The following CFAP221 variants were observed in gnomAD, a reference collection of about 807,000 sequenced individuals.
CFAP221 encodes cilia and flagella associated protein 221.
Under a neutral mutation model 113.1 loss-of-function variants are expected in CFAP221, and 97 were observed. The ratio of observed to expected loss-of-function variants is 0.86; its 90% CI spans 0.73 to 1.02. The LOEUF is 1.02. CFAP221 is among the 50% of genes least tolerant of loss of function. The pLI is 0.00. For missense variants in CFAP221, 1,025 were observed against 1,013.4 expected (o/e 1.01, Z -0.16); for synonymous variants, 331 against 354.4 (o/e 0.93, Z 0.74).
intron 17 of CFAP221, 111 bp downstream of exon 17, chr2:119,630,066 T>C (rs2104761795): frequency 2.3e-6 from 2 of 856,064 alleles, no homozygotes; most frequent in African/African-American, 3.4e-5. Context: ...GATTAGACTG[T>C]GTGGCACACT....
At chr2:119,649,540 A>G (rs1688001378) in intron 22 of CFAP221, among the ~76,000 whole-genome samples, 1 of 152,236 alleles carries the variant, frequency 6.6e-6, no homozygotes, top group Admixed American at 6.5e-5. Flanking sequence ...ACTCATAGAT[A>G]GGCAGCAAGA....
chr2:119,562,171 A>C (rs958720780), intron 6 of CFAP221, 57 bp downstream of exon 6: 2 of 1,232,038 alleles, frequency 1.6e-6, no homozygotes, highest in Non-Finnish European at 2.3e-6. Flanking sequence ...AGAGATACTC[A>C]TACAAAACCT....
intron 6 of CFAP221, chr2:119,580,220 C>T (rs1682751043): frequency 6.6e-6 from 1 of 152,138 alleles, no homozygotes; most frequent in Non-Finnish European, 1.5e-5. Context: ...GACTGCATAC[C>T]TCTAACAGAG....
chr2:119,583,288 G>T (rs916717494), intron 6 of CFAP221, among the ~76,000 whole-genome samples: 2 of 151,472 alleles, frequency 1.3e-5, no homozygotes, highest in African/African-American at 4.9e-5. Context: ...ATAAGAAAAA[G>T]ATGCTCTCTT....
At chr2:119,623,052 C>G (rs537632952) in intron 14 of CFAP221, among the ~76,000 whole-genome samples, 1 of 152,270 alleles carries the variant, frequency 6.6e-6, no homozygotes, top group African/African-American at 2.4e-5. Flanking sequence ...AAAGGGTATT[C>G]AAATAGGAAG....
chr2:119,646,458 C>A (rs1344004452), intron 21 of CFAP221, among the ~76,000 whole-genome samples: 1 of 152,112 alleles, frequency 6.6e-6, no homozygotes, highest in Non-Finnish European at 1.5e-5. Context: ...GGAGGTGCCA[C>A]ACACTTTTAA....
chr2:119,638,534 CA>C (rs1687258930), intron 20 of CFAP221, 117 bp downstream of exon 20: 1 of 1,327,584 alleles, frequency 7.5e-7, no homozygotes, highest in Non-Finnish European at 1.1e-6. Context: ...AGCTGCAGAA[CA>C]AGAATGGTAA....
rs766287259 is a variant in CFAP221, at chr2:119,571,958, CCCCTTACTTT to C, written c.527+9845_527+9854del. On this transcript the variant is annotated intron_variant, in intron 6 of 23. Transcript: ENST00000413369. ...ATTCTGCTTTCTTACTTTGGGGTTG[CCCCTTACTTT>C]GGGGCTGCCCCTTACTTTGGGGCTG... is the stretch of plus-strand genomic sequence containing the variant. 2.2e-3 allele frequency among the ~76,000 whole-genome samples: 217 copies of C among 100,540 alleles called. 1 individual carries two copies. The highest frequency in any genetic ancestry group is 3.5e-3 in the Non-Finnish European group (164 of 46,742). The allele number at this position is 100,540 out of a possible 152,430, so 66.0% of individuals were successfully genotyped here.
At chr2:119,594,532 C>T (rs1683827354) in intron 7 of CFAP221, among the ~76,000 whole-genome samples, 1 of 152,184 alleles carries the variant, frequency 6.6e-6, no homozygotes, top group Admixed American at 6.5e-5. Context: ...GTGTGAGCCA[C>T]TGCACCCAGT....
chr2:119,557,719 A>G (rs1443541870), intron 3 of CFAP221, among the ~76,000 whole-genome samples: 1 of 152,100 alleles, frequency 6.6e-6, no homozygotes, highest in East Asian at 1.9e-4. Flanking sequence ...CACTCCTAGA[A>G]GCCAGGCACG....
chr2:119,629,937 T>C lies in CFAP221; in HGVS notation c.1713T>C (p.Tyr571=). The change falls in exon 17 of 24, where the codon TAT becomes TAC. Residue 571 remains tyrosine (Y), a synonymous_variant. Transcript: ENST00000413369. ...CAGAAGTTCAAATCAAGCAGAGTTA[T>C]TCCTTCTTCAATCTGCAGGTCAGAC... ...KSSEVQIKQS[Y]SFFNLQVPQL... is the part of the protein sequence containing the mutation. 2 of 1,612,768 alleles carry C rather than the reference T, an allele frequency of 1.2e-6. No homozygotes were observed. The highest frequency in any genetic ancestry group is 2.2e-5 in the South Asian group (2 of 91,032).
chr2:119,559,807 G>A (rs939567330), intron 4 of CFAP221, 32 bp downstream of exon 4: 24 of 1,494,376 alleles, frequency 1.6e-5, no homozygotes, highest in East Asian at 7.4e-5. Flanking sequence ...GTTCTCCCAC[G>A]GTGTGGTTGT....
At chr2:119,586,058 C>T (rs929932417) in intron 6 of CFAP221, among the ~76,000 whole-genome samples, 4 of 152,060 alleles carry the variant, frequency 2.6e-5, no homozygotes, top group Non-Finnish European at 5.9e-5. Context: ...AGACCAGAAG[C>T]TAAAAGGATA....
chr2:119,649,908 T>C (rs1348901448), intron 22 of CFAP221, among the ~76,000 whole-genome samples: 1 of 152,170 alleles, frequency 6.6e-6, no homozygotes, highest in African/African-American at 2.4e-5. Flanking sequence ...ACTCCTTAGC[T>C]CCATTGTTCA....
intron 6 of CFAP221, among the ~76,000 whole-genome samples, chr2:119,564,919 T>C (rs907922504): frequency 6.6e-6 from 1 of 152,166 alleles, no homozygotes; most frequent in African/African-American, 2.4e-5. Flanking sequence ...AAATGGGGAA[T>C]TGCAGGTCAC....
intron 13 of CFAP221, among the ~76,000 whole-genome samples, chr2:119,613,908 A>G (rs190768076): frequency 1.3e-5 from 2 of 152,330 alleles, no homozygotes; most frequent in East Asian, 1.9e-4. Context: ...CCTTTTCAGC[A>G]TAAGTTCAAT....
downstream of CFAP221, among the ~76,000 whole-genome samples, chr2:119,659,722 G>A (rs902682406): frequency 5.3e-5 from 8 of 152,276 alleles, no homozygotes; most frequent in Non-Finnish European, 8.8e-5. Flanking sequence ...CCACTCGTCC[G>A]CACCCCTGGG....
chr2:119,545,603 A>G (rs1679995828), intron 1 of CFAP221, among the ~76,000 whole-genome samples: 1 of 152,128 alleles, frequency 6.6e-6, no homozygotes, highest in African/African-American at 2.4e-5. Flanking sequence ...GAGGAGGGTG[A>G]CTCTGAAATG....
intron 6 of CFAP221, among the ~76,000 whole-genome samples, chr2:119,568,493 C>T (rs1474761797): frequency 1.3e-5 from 2 of 152,064 alleles, no homozygotes; most frequent in African/African-American, 4.8e-5. Context: ...CTCCCCGTGC[C>T]CCCCACCTCC....
Sources: allele counts gnomAD v4.1 joint callset (sites outside exome capture counted in the v4.1 genomes callset), GRCh38; gene constraint gnomAD v4.1.1; transcripts MANE v1.5; gene names NCBI Gene and HGNC (gene_info 2026-07-23, HGNC 2026-07-21).